The following TASP1 variants were observed in gnomAD, a reference collection of about 807,000 sequenced individuals.
TASP1 encodes the protein taspase 1.
A neutral mutation model predicts 56.6 loss-of-function variants in TASP1; 16 were observed. The observed-to-expected ratio is 0.28, with a 90% confidence interval of 0.19 to 0.43. TASP1 has a LOEUF of 0.43. Ranked by LOEUF, TASP1 falls within the 20% of genes least tolerant of loss-of-function variation. TASP1 has a pLI of 1.00. For missense variants in TASP1, 393 were observed against 511.6 expected (o/e 0.77, Z 2.24); for synonymous variants, 179 against 184.2 (o/e 0.97, Z 0.23).
chr20:13,398,974 C>A (rs1198940267), intron 13 of TASP1, among the ~76,000 whole-genome samples: 1 of 152,214 alleles, frequency 6.6e-6, no homozygotes, highest in African/African-American at 2.4e-5. Context: ...CACCTCTCCA[C>A]CAAAACCCCT....
chr20:13,421,029 T>C (rs1402863328), intron 12 of TASP1, among the ~76,000 whole-genome samples: 1 of 151,334 alleles, frequency 6.6e-6, no homozygotes, highest in Non-Finnish European at 1.5e-5. Flanking sequence ...TTTTAAACCA[T>C]AACGAAACCC....
chr20:13,562,773 C>G (rs1182137931), intron 7 of TASP1, among the ~76,000 whole-genome samples: 1 of 150,660 alleles, frequency 6.6e-6, no homozygotes, highest in South Asian at 2.1e-4. Flanking sequence ...GCTACTCCAG[C>G]AGCTGAGATG....
chr20:13,438,378 A>G (rs2043089320), intron 11 of TASP1, among the ~76,000 whole-genome samples: 3 of 152,228 alleles, frequency 2.0e-5, no homozygotes, highest in African/African-American at 7.2e-5. Flanking sequence ...GATCTTTGAC[A>G]AACCTGACAA....
At chr20:13,245,146 A>G in the TASP1 span, 11 of 152,212 alleles carry the variant, frequency 7.2e-5, no homozygotes, top group East Asian at 2.1e-3. Flanking sequence ...CTGTATAACA[A>G]ATTACCCTAT....
At chr20:13,566,604 T>C (rs973933029) in intron 7 of TASP1, among the ~76,000 whole-genome samples, 2 of 151,522 alleles carry the variant, frequency 1.3e-5, no homozygotes. Context: ...ATGATACCAT[T>C]TATATTACAT....
intron 7 of TASP1, among the ~76,000 whole-genome samples, chr20:13,562,648 G>C (rs984429205): frequency 6.6e-6 from 1 of 151,938 alleles, no homozygotes; most frequent in African/African-American, 2.4e-5. Context: ...AAACCAATGT[G>C]GGTGAATCAC....
At chr20:13,197,643 T>C in the TASP1 span, among the ~76,000 whole-genome samples, 23 of 152,334 alleles carry the variant, frequency 1.5e-4, no homozygotes, top group Admixed American at 1.4e-3. Flanking sequence ...TTGCCCTGAA[T>C]TGACTCTGTC....
the TASP1 span, among the ~76,000 whole-genome samples, chr20:13,358,350 G>C: frequency 6.6e-6 from 1 of 152,218 alleles, no homozygotes; most frequent in African/African-American, 2.4e-5. Context: ...CCGTGACTTG[G>C]ATGGGGGGAC....
intron 12 of TASP1, among the ~76,000 whole-genome samples, chr20:13,429,616 G>T (rs1006667570): frequency 4.1e-4 from 57 of 137,560 alleles, no homozygotes; most frequent in African/African-American, 1.5e-3. Flanking sequence ...GTGTGTGTGA[G>T]TGTGTGTGTG....
At chr20:13,347,904 T>C in the TASP1 span, among the ~76,000 whole-genome samples, 1 of 152,112 alleles carries the variant, frequency 6.6e-6, no homozygotes, top group Non-Finnish European at 1.5e-5. Context: ...AAGTGCCAGT[T>C]AGACTCCTGG....
In TASP1 at chr20:13,456,075, C is replaced by T. The variant is rs574173556; in HGVS notation, c.986-20921G>A. 1.4e-3 allele frequency among the ~76,000 whole-genome samples: 219 copies of T among 152,218 alleles called. 4 individuals are homozygous for T. The highest frequency in any genetic ancestry group is 2.6e-4 in the Non-Finnish European group (18 of 67,994). On this transcript the variant is annotated intron_variant, in intron 11 of 13. Transcript: ENST00000337743. Reference sequence around the variant, plus strand: ...AACTATAACAGCAGATGAAACATGGCTTTACTAATAGGATCCAGAAGACAA... The same window carrying T: ...AACTATAACAGCAGATGAAACATGGTTTTACTAATAGGATCCAGAAGACAA...
intron 13 of TASP1, among the ~76,000 whole-genome samples, chr20:13,401,633 T>C (rs1035139795): frequency 5.3e-5 from 8 of 152,178 alleles, no homozygotes; most frequent in African/African-American, 1.9e-4. Flanking sequence ...GAAATAACAA[T>C]GACATGACCA....
chr20:13,436,615 C>A (rs926616438), intron 11 of TASP1, among the ~76,000 whole-genome samples: 1 of 152,034 alleles, frequency 6.6e-6, no homozygotes, highest in South Asian at 2.1e-4. Flanking sequence ...TAGCCCAGGG[C>A]AGGAAAGAGG....
At chr20:13,152,773 T>G in the TASP1 span, among the ~76,000 whole-genome samples, 1 of 152,186 alleles carries the variant, frequency 6.6e-6, no homozygotes, top group Non-Finnish European at 1.5e-5. Flanking sequence ...AGTATGGTTC[T>G]CTGGAGGAGG....
At chr20:13,159,886 T>C in the TASP1 span, 39 of 1,363,332 alleles carry the variant, frequency 2.9e-5, no homozygotes, top group African/African-American at 4.4e-5. Context: ...CTTATTATCA[T>C]AAAAAAGAAA....
intron 10 of TASP1, among the ~76,000 whole-genome samples, chr20:13,498,341 G>C (rs1251664777): frequency 2.3e-5 from 3 of 131,256 alleles, no homozygotes; most frequent in Non-Finnish European, 1.7e-5. Context: ...TTGTGTGTGT[G>C]TGTGTGTGTG....
the TASP1 span, chr20:13,126,861 C>T: frequency 1.2e-5 from 14 of 1,161,650 alleles, no homozygotes; most frequent in East Asian, 1.3e-4. Context: ...ACAAAACTGC[C>T]GTTAGCACAC....
At chr20:13,553,559 T>C (rs2046052308) in intron 8 of TASP1, among the ~76,000 whole-genome samples, 1 of 152,106 alleles carries the variant, frequency 6.6e-6, no homozygotes, top group Middle Eastern at 3.2e-3. Context: ...AACAAAAAAA[T>C]AAGCAAGGAT....
the TASP1 span, among the ~76,000 whole-genome samples, chr20:13,192,589 A>C: frequency 2.0e-5 from 3 of 152,126 alleles, no homozygotes; most frequent in Non-Finnish European, 4.4e-5. Flanking sequence ...CTGGGAGTTC[A>C]GTGGTGCAAT....
Sources: gnomAD v4.1 joint callset for allele counts (sites outside exome capture counted in the v4.1 genomes callset) on GRCh38, gnomAD v4.1.1 for gene constraint, MANE v1.5 for transcripts, NCBI Gene and HGNC (gene_info 2026-07-23, HGNC 2026-07-21) for gene names.